CPM: variants seen among roughly 807,000 people sequenced by gnomAD.
CPM encodes the protein carboxypeptidase M, also known as renal carboxypeptidase.
In CPM, 35 loss-of-function variants were observed where a neutral mutation model predicts 46.4. That is an observed-to-expected ratio of 0.75 (90% CI 0.58 to 1.00). The LOEUF (loss-of-function observed/expected upper bound fraction) is 1.00, where lower values mean the gene tolerates loss of function less well. Ranked by LOEUF, CPM falls within the 50% of genes least tolerant of loss-of-function variation. The pLI is 0.00. For synonymous variants in CPM, 195 were observed against 195.3 expected, an observed-to-expected ratio of 1.00 and a Z score of 0.01; for missense variants, 422 against 530.4, an observed-to-expected ratio of 0.80 and a Z score of 2.01.
At chr12:68,906,681 G>T (rs968821658) in intron 2 of CPM, among the ~76,000 whole-genome samples, 2 of 152,008 alleles carry the variant, frequency 1.3e-5, no homozygotes, top group African/African-American at 4.8e-5. Flanking sequence ...TAGTAGAGAC[G>T]GGTTTTCACC....
At chr12:68,885,977 G>C in intron 2 of CPM, 88 bp from the exon 3 acceptor site, 5 of 1,099,116 alleles carry the variant, frequency 4.5e-6, no homozygotes, top group Non-Finnish European at 6.7e-6. Context: ...ACAGGATGCT[G>C]CTTCCCCCAC....
chr12:68,912,037 C>T (rs763840711), intron 2 of CPM: 3 of 152,156 alleles, frequency 2.0e-5, no homozygotes, highest in Non-Finnish European at 4.4e-5. Context: ...GACAGAGTTT[C>T]GCGCTTGTTG....
intron 3 of CPM, among the ~76,000 whole-genome samples, chr12:68,884,959 T>A (rs1055165828): frequency 6.6e-6 from 1 of 152,206 alleles, no homozygotes; most frequent in Non-Finnish European, 1.5e-5. Flanking sequence ...TGTTTTGTTT[T>A]TTTAGATGGA....
At position 68,851,558 on chromosome 12, in the gene CPM, C is replaced by G. The variant is rs938737954; in HGVS notation, c.*4879G>C. 1 of 151,536 alleles carries G rather than the reference C, an allele frequency of 6.6e-6. No individual in the cohort carries two copies. Among genetic ancestry groups the G allele is most frequent in the Non-Finnish European group, 1.5e-5 (1 of 67,982 alleles). 9.4% of individuals were successfully genotyped at this position (151,536 alleles called of 1,614,324 possible). A position where few individuals can be genotyped will look rare whatever the true frequency, so the allele number is the denominator to read the frequency against. The stretch of plus-strand genomic sequence containing the variant: ...CCCGGGAGGCAGAGGTTGCAGTGAG[C>G]CGAGATCACGGCACTGCACTCCAAC... On this transcript the variant is annotated 3_prime_UTR_variant, in exon 9 of 9. Transcript: ENST00000551568.
rs895733115 is a variant in CPM at position 68,852,512 on chromosome 12, G to C, written c.*3925C>G. The C allele has an allele frequency of 6.6e-6, 1 of 151,796 alleles. No homozygotes were observed. Among genetic ancestry groups the C allele is most frequent in the Admixed American group, 6.6e-5 (1 of 15,222 alleles). 9.4% of individuals were successfully genotyped at this position (151,796 alleles called of 1,614,324 possible). A position where few individuals can be genotyped will look rare whatever the true frequency, so the allele number is the denominator to read the frequency against. On this transcript the variant is annotated 3_prime_UTR_variant, in exon 9 of 9. Transcript: ENST00000551568. ...AGATAAAGAAACTGAATGTGTGGCG[G>C]ATTTGAATCCAGGGCTTCTGCCTTT...
At chr12:68,870,938 C>T (rs188065873) in intron 4 of CPM, among the ~76,000 whole-genome samples, 2 of 152,298 alleles carry the variant, frequency 1.3e-5, no homozygotes, top group East Asian at 1.9e-4. Context: ...AAACACATTA[C>T]ACAGAAGTAC....
At chr12:68,918,612 TAATCCAATCC>T (rs200988350) in intron 2 of CPM, among the ~76,000 whole-genome samples, 1 of 151,580 alleles carries the variant, frequency 6.6e-6, no homozygotes, top group Non-Finnish European at 1.5e-5. Flanking sequence ...CAATCCAATC[TAATCCAATCC>T]AATCCAATCC....
At chr12:68,848,558 T>C (rs1592618450), downstream of CPM, 1 of 152,290 alleles carries the variant, frequency 6.6e-6, no homozygotes, top group East Asian at 1.9e-4. Flanking sequence ...GTCTTAAAAG[T>C]TGATATGGTG....
At chr12:68,872,818 C>T (rs1051415817) in intron 3 of CPM, among the ~76,000 whole-genome samples, 1 of 151,612 alleles carries the variant, frequency 6.6e-6, no homozygotes, top group Non-Finnish European at 1.5e-5. Context: ...ATCATTATCA[C>T]TTTTCTAGAT....
intron 1 of CPM, among the ~76,000 whole-genome samples, chr12:68,951,295 T>G (rs1318696695): frequency 6.6e-6 from 1 of 152,214 alleles, no homozygotes; most frequent in Non-Finnish European, 1.5e-5. Context: ...GGCTTTCAGG[T>G]TTTGGGAATA....
At chr12:68,938,787 C>T (rs1888711329) in intron 1 of CPM, among the ~76,000 whole-genome samples, 1 of 151,126 alleles carries the variant, frequency 6.6e-6, no homozygotes, top group African/African-American at 2.4e-5. Context: ...CAAAGAAAGA[C>T]ATGAGAAAAT....
chr12:68,861,808 G>A (rs1032387332), intron 7 of CPM, among the ~76,000 whole-genome samples: 3 of 150,818 alleles, frequency 2.0e-5, no homozygotes, highest in South Asian at 4.2e-4. Flanking sequence ...GATTACAGGC[G>A]TGAGCCATCG....
intron 8 of CPM, among the ~76,000 whole-genome samples, chr12:68,857,149 CT>C (rs1885012690): frequency 6.7e-6 from 1 of 150,204 alleles, no homozygotes; most frequent in Admixed American, 6.7e-5. Context: ...GCTTTTCTTT[CT>C]TTCTTTTCTT....
chr12:68,931,862 C>T (rs193286015), intron 2 of CPM, among the ~76,000 whole-genome samples: 4 of 151,820 alleles, frequency 2.6e-5, no homozygotes, highest in Non-Finnish European at 2.9e-5. Flanking sequence ...ATAAAATTCA[C>T]CATCTGGGAG....
chr12:68,843,961 A>T (rs1432712429), intron 5 of CPM: 1 of 209,868 alleles, frequency 4.8e-6, no homozygotes, highest in Admixed American at 5.9e-5. Context: ...GGAGTTCATA[A>T]TACTGAAGCT....
upstream of CPM, among the ~76,000 whole-genome samples, chr12:68,936,647 G>A (rs1214167817): frequency 6.6e-6 from 1 of 152,182 alleles, no homozygotes; most frequent in Non-Finnish European, 1.5e-5. Flanking sequence ...GCCTCCCAGA[G>A]TGCTGGGATT....
At chr12:68,943,454 G>A (rs968694361) in intron 1 of CPM, among the ~76,000 whole-genome samples, 3 of 152,110 alleles carry the variant, frequency 2.0e-5, no homozygotes, top group Non-Finnish European at 4.4e-5. Flanking sequence ...GATAGTATAT[G>A]TTTATATTTA....
At chr12:68,947,166 CA>C (rs1349633233) in intron 1 of CPM, among the ~76,000 whole-genome samples, 21 of 152,152 alleles carry the variant, frequency 1.4e-4, no homozygotes, top group Admixed American at 2.6e-4. Flanking sequence ...AAGTGGAGTT[CA>C]AAAAAGCTTC....
At chr12:68,856,854 G>A (rs555294759) in intron 8 of CPM, among the ~76,000 whole-genome samples, 175 bp from the exon 9 acceptor site, 7 of 152,360 alleles carry the variant, frequency 4.6e-5, no homozygotes, top group African/African-American at 1.7e-4. Flanking sequence ...TCCAATGCCT[G>A]TTGACAGAGA....
Sources: allele counts gnomAD v4.1 joint callset (sites outside exome capture counted in the v4.1 genomes callset), GRCh38; gene constraint gnomAD v4.1.1; transcripts MANE v1.5; gene names NCBI Gene and HGNC (gene_info 2026-07-23, HGNC 2026-07-21).